The following ANKS1A variants were observed in gnomAD, a reference collection of about 807,000 sequenced individuals.
The protein encoded by ANKS1A is ankyrin repeat and SAM domain-containing protein 1A.
A neutral mutation model predicts 120.3 loss-of-function variants in ANKS1A; 55 were observed. The observed-to-expected ratio is 0.46, with a 90% CI of 0.37 to 0.57. The LOEUF is 0.57. Among genes scored for constraint, ANKS1A ranks in the 20% least tolerant of loss-of-function variants. The pLI is 0.00. For synonymous variants in ANKS1A, 590 were observed against 604.7 expected (o/e 0.98, Z 0.36); for missense variants, 1,123 against 1,480.3 (o/e 0.76, Z 3.96).
At chr6:35,011,018 T>A (rs1239032368) in intron 10 of ANKS1A, among the ~76,000 whole-genome samples, 1 of 152,230 alleles carries the variant, frequency 6.6e-6, no homozygotes, top group Admixed American at 6.5e-5. Flanking sequence ...TACTGGATGG[T>A]GACTATTATT....
intron 10 of ANKS1A, among the ~76,000 whole-genome samples, chr6:35,000,930 ATCAT>A (rs1427236088): frequency 2.6e-5 from 4 of 152,202 alleles, no homozygotes; most frequent in Non-Finnish European, 5.9e-5. Context: ...TTAAAAAGGT[ATCAT>A]TCAGTTTTTC....
At chr6:35,097,037 T>G in the ANKS1A span, among the ~76,000 whole-genome samples, 1 of 19,922 alleles carries the variant, frequency 5.0e-5, no homozygotes, top group Admixed American at 5.9e-4. Context: ...TCCAGCCAAT[T>G]TTTTTTTTTT....
intron 11 of ANKS1A, among the ~76,000 whole-genome samples, chr6:35,026,405 G>T (rs781663984): frequency 6.6e-6 from 1 of 152,228 alleles, no homozygotes; most frequent in South Asian, 2.1e-4. Context: ...TGGGGATACA[G>T]CAATGAACAA....
At chr6:35,051,654 T>C (rs987615928) in intron 11 of ANKS1A, among the ~76,000 whole-genome samples, 3 of 152,202 alleles carry the variant, frequency 2.0e-5, no homozygotes, top group African/African-American at 7.2e-5. Context: ...TAAAATACGC[T>C]TGATGCCAAC....
At chr6:34,949,160 A>G (rs139450961) in intron 1 of ANKS1A, among the ~76,000 whole-genome samples, 176 of 152,372 alleles carry the variant, frequency 1.2e-3, no homozygotes, top group Middle Eastern at 3.4e-3. Context: ...GTAGGAGTCT[A>G]TAAAGAAGAG....
chr6:34,966,443 T>C (rs1770898537), intron 1 of ANKS1A, among the ~76,000 whole-genome samples: 1 of 152,232 alleles, frequency 6.6e-6, no homozygotes, highest in South Asian at 2.1e-4. Context: ...CCTCAAACCA[T>C]TAGAGGCATT....
intron 1 of ANKS1A, among the ~76,000 whole-genome samples, chr6:34,955,112 A>G (rs891334198): frequency 2.0e-5 from 3 of 148,208 alleles, no homozygotes; most frequent in Admixed American, 6.8e-5. Context: ...CTTCCTGTTG[A>G]TTTTTCTGAG....
chr6:35,062,878 A>C (rs765588812), intron 13 of ANKS1A, among the ~76,000 whole-genome samples: 1 of 152,154 alleles, frequency 6.6e-6, no homozygotes, highest in Non-Finnish European at 1.5e-5. Context: ...CATTCTTTAT[A>C]TTGAGTCAAA....
chr6:35,095,281 A>C (rs1196495912), downstream of ANKS1A, among the ~76,000 whole-genome samples: 2 of 152,178 alleles, frequency 1.3e-5, no homozygotes, highest in Non-Finnish European at 2.9e-5. Context: ...TAGAATTAAA[A>C]GTCATTTCTG....
chr6:35,016,840 C>T (rs1476363404), intron 10 of ANKS1A, among the ~76,000 whole-genome samples: 3 of 150,282 alleles, frequency 2.0e-5, no homozygotes, highest in Non-Finnish European at 4.4e-5. Flanking sequence ...GCGTGGAACT[C>T]GGAATGGCCC....
In ANKS1A at chr6:35,088,124, G is replaced by A. The variant is rs148281642; in HGVS notation, c.3402-482G>A. ...TGGGGGATCACAGATAGACAGCGCCGTCCAGCATGCCCCTGACCACCTCCC... is the reference window on the plus strand; with the variant it reads ...TGGGGGATCACAGATAGACAGCGCCATCCAGCATGCCCCTGACCACCTCCC... On this transcript the variant is annotated intron_variant, in intron 23 of 23. Transcript: ENST00000360359. 3.9e-3 allele frequency among the ~76,000 whole-genome samples: 599 copies of A among 152,332 alleles called. 4 individuals carry two copies. Among genetic ancestry groups the A allele is most frequent in the Non-Finnish European group, 6.2e-3 (424 of 68,016 alleles).
chr6:34,998,994 A>T (rs1773005198), intron 10 of ANKS1A, among the ~76,000 whole-genome samples: 1 of 152,186 alleles, frequency 6.6e-6, no homozygotes, highest in African/African-American at 2.4e-5. Flanking sequence ...ACTTGCCCTG[A>T]TGGGACGCCT....
At chr6:34,919,499 T>G (rs933622151) in intron 1 of ANKS1A, among the ~76,000 whole-genome samples, 1 of 152,212 alleles carries the variant, frequency 6.6e-6, no homozygotes, top group African/African-American at 2.4e-5. Flanking sequence ...CTACTCTGTC[T>G]TGCATCTAGA....
intron 1 of ANKS1A, among the ~76,000 whole-genome samples, chr6:34,908,466 A>T (rs1581677207): frequency 6.6e-6 from 1 of 152,264 alleles, no homozygotes; most frequent in South Asian, 2.1e-4. Context: ...AGAGTCTAAG[A>T]CCTTGTGTCT....
chr6:34,991,539 TATAC>T lies in ANKS1A; in HGVS notation c.1302+2225_1302+2228del, dbSNP rs1181412033. Among the ~76,000 whole-genome samples the T allele has an allele frequency of 8.0e-4, 68 of 85,114 alleles. 2 individuals are homozygous for T. The highest frequency in any genetic ancestry group is 3.1e-3 in the African/African-American group (63 of 20,602). 55.8% of individuals were successfully genotyped at this position (85,114 alleles called of 152,430 possible). A position where few individuals can be genotyped will look rare whatever the true frequency, so the allele number is the denominator to read the frequency against. ...CCACATAGCCGGGAAAAAAAAAATA[TATAC>T]ACACACACACACACACACACACACA... On this transcript the variant is annotated intron_variant, in intron 9 of 23. Coordinates refer to ENST00000360359, the MANE Select transcript of ANKS1A (RefSeq NM_015245.3).
intron 1 of ANKS1A, among the ~76,000 whole-genome samples, chr6:34,947,142 C>CTTTTTT (rs71002514): frequency 5.9e-5 from 6 of 101,992 alleles, no homozygotes; most frequent in Non-Finnish European, 9.3e-5. Flanking sequence ...ATAGTAGACT[C>CTTTTTT]TTTTTTTTTT....
At chr6:35,095,865 A>G (rs893066429), downstream of ANKS1A, among the ~76,000 whole-genome samples, 6 of 152,142 alleles carry the variant, frequency 3.9e-5, no homozygotes, top group African/African-American at 1.4e-4. Flanking sequence ...CCTTGTAGCC[A>G]AGGATAATTA....
chr6:35,097,087 C>G, the ANKS1A span, among the ~76,000 whole-genome samples: 1 of 151,896 alleles, frequency 6.6e-6, no homozygotes, highest in Non-Finnish European at 1.5e-5. Context: ...TTACAAATTA[C>G]AACAGCTTCA....
chr6:35,033,876 G>A (rs745332904), intron 11 of ANKS1A, among the ~76,000 whole-genome samples: 2 of 152,182 alleles, frequency 1.3e-5, no homozygotes, highest in Admixed American at 6.5e-5. Flanking sequence ...CCTGTTCAGC[G>A]GCAGGATCGG....
Sources: gnomAD v4.1 joint callset for allele counts (sites outside exome capture counted in the v4.1 genomes callset) on GRCh38, gnomAD v4.1.1 for gene constraint, MANE v1.5 for transcripts, NCBI Gene and HGNC (gene_info 2026-07-23, HGNC 2026-07-21) for gene names.